TNFRSF10B: variants seen among roughly 807,000 people sequenced by gnomAD.
TNFRSF10B encodes tumor necrosis factor receptor superfamily member 10B.
In TNFRSF10B, 35 loss-of-function variants were observed where a neutral mutation model predicts 41.4. The ratio of observed to expected loss-of-function variants is 0.85; its 90% CI spans 0.65 to 1.12. TNFRSF10B has a LOEUF of 1.12. Among genes scored for constraint, TNFRSF10B ranks in the 50% most tolerant of loss-of-function variants. The probability of loss-of-function intolerance (pLI) is 0.00; values close to 1 mark genes in which losing one functional copy is unlikely to be tolerated. For missense variants in TNFRSF10B, 584 were observed against 552.7 expected, an observed-to-expected ratio of 1.06 and a Z score of -0.57; for synonymous variants, 230 against 215.5, an observed-to-expected ratio of 1.07 and a Z score of -0.59.
chr8:23,031,747 T>C (rs1174148236), intron 2 of TNFRSF10B, among the ~76,000 whole-genome samples: 1 of 151,856 alleles, frequency 6.6e-6, no homozygotes, highest in Non-Finnish European at 1.5e-5. Context: ...TGAGAAGGGG[T>C]GAAATTAATG....
At chr8:23,028,191 G>A in intron 5 of TNFRSF10B, 140 bp downstream of exon 5, 1 of 1,160,284 alleles carries the variant, frequency 8.6e-7, no homozygotes, top group Admixed American at 1.9e-5. Flanking sequence ...TGGGGATGGG[G>A]GTGACCACGA....
rs1811537969 is a variant in TNFRSF10B at position 23,021,944 on chromosome 8, A to G, written c.*727T>C. 6.6e-6 allele frequency: 3 copies of G among 452,880 alleles called. No homozygotes were observed. The highest frequency in any genetic ancestry group is 2.0e-5 in the African/African-American group (1 of 49,882). The allele number at this position is 452,880 out of a possible 1,614,324, so 28.1% of individuals were successfully genotyped here. ...AAAGTTTCTTCATGTTCATAAAATA[A>G]TAACATACAGAATTATAAAAGTAGA... On this transcript the variant is annotated 3_prime_UTR_variant, in exon 9 of 9. Transcript: ENST00000276431.
intron 1 of TNFRSF10B, among the ~76,000 whole-genome samples, chr8:23,056,017 C>CT (rs1812654840): frequency 6.6e-6 from 1 of 152,154 alleles, no homozygotes; most frequent in African/African-American, 2.4e-5. Flanking sequence ...AATAAAAACT[C>CT]TTTCTTCCCA....
chr8:23,068,506 C>T, intron 1 of TNFRSF10B: 1 of 586,486 alleles, frequency 1.7e-6, no homozygotes, highest in Non-Finnish European at 3.0e-6. Flanking sequence ...TGTCGCCCTC[C>T]CCCACTGGAT....
At chr8:23,031,286 C>T (rs1267058402) in intron 2 of TNFRSF10B, among the ~76,000 whole-genome samples, 1 of 152,122 alleles carries the variant, frequency 6.6e-6, no homozygotes, top group African/African-American at 2.4e-5. Context: ...CCGTATTGGC[C>T]AGGCTAGTCT....
chr8:23,028,457 G>GA lies in TNFRSF10B; in HGVS notation c.621dup (p.Pro208SerfsTer49). ...ATGATGATGCCTGAGAGAGAACAGG[G>GA]AGAGGCAGGAGTCCCTGGGCTGGAG... On this transcript the variant is annotated frameshift_variant, in exon 5 of 9. Coordinates refer to ENST00000276431, the MANE Select transcript of TNFRSF10B (RefSeq NM_003842.5). LOFTEE classifies it high-confidence loss of function. 1 of 1,614,184 alleles carries GA rather than the reference G, an allele frequency of 6.2e-7. No individual in the cohort carries two copies.
chr8:23,054,977 AAG>A (rs1270627871), intron 1 of TNFRSF10B, among the ~76,000 whole-genome samples: 1 of 151,996 alleles, frequency 6.6e-6, no homozygotes, highest in Non-Finnish European at 1.5e-5. Context: ...AATGGGAAAC[AAG>A]AGAGAAAAAT....
intron 1 of TNFRSF10B, among the ~76,000 whole-genome samples, chr8:23,056,872 C>A (rs981167382): frequency 6.6e-6 from 1 of 151,834 alleles, no homozygotes; most frequent in African/African-American, 2.4e-5. Context: ...TATATGAGTT[C>A]TCTTTTTTAA....
intron 1 of TNFRSF10B, among the ~76,000 whole-genome samples, chr8:23,063,668 C>A (rs761581796): frequency 1.3e-5 from 2 of 152,154 alleles, no homozygotes; most frequent in Admixed American, 6.5e-5. Context: ...GCCTCCTTCA[C>A]GATAATGCAA....
Position 23,021,203 on chromosome 8 carries a change from A to G in TNFRSF10B, c.*1468T>C. 1 of 454,110 alleles carries G rather than the reference A, an allele frequency of 2.2e-6. No individual in the cohort carries two copies. Among genetic ancestry groups the G allele is most frequent in the Non-Finnish European group, 4.4e-6 (1 of 226,796 alleles). The allele number at this position is 454,110 out of a possible 1,614,324, so 28.1% of individuals were successfully genotyped here. On this transcript the variant is annotated 3_prime_UTR_variant, in exon 9 of 9. Coordinates refer to ENST00000276431, the MANE Select transcript of TNFRSF10B (RefSeq NM_003842.5). Reference sequence around the variant, plus strand: ...TACTGAGGTCTTAAAACAATAATAGAACAGGACACAAGAAGAAAACCTTAA... The same window carrying G: ...TACTGAGGTCTTAAAACAATAATAGGACAGGACACAAGAAGAAAACCTTAA...
chr8:23,056,293 C>T (rs1332010035), intron 1 of TNFRSF10B, among the ~76,000 whole-genome samples: 2 of 152,172 alleles, frequency 1.3e-5, no homozygotes, highest in Non-Finnish European at 2.9e-5. Context: ...GTATTATCTG[C>T]CCTACTATAA....
In TNFRSF10B at chr8:23,068,853, G is replaced by T. The variant is rs777235097; in HGVS notation, c.42C>A (p.Ala14=). The change falls in exon 1 of 9, where the codon GCC becomes GCA. Residue 14 remains alanine (A), a synonymous_variant. Coordinates refer to ENST00000276431, the MANE Select transcript of TNFRSF10B (RefSeq NM_003842.5). ...TGGGTCCTGGGCCGTGCCTTTTCCG[G>T]GCCCCCGAAGCGGCCGGGGCGTTCT... ...RGQNAPAASG[A]RKRHGPGPRE... The T allele has an allele frequency of 1.9e-6, 3 of 1,613,426 alleles. No homozygotes were observed. Among genetic ancestry groups the T allele is most frequent in the Non-Finnish European group, 2.5e-6 (3 of 1,179,944 alleles).
chr8:23,068,390 G>T (rs746514907), intron 1 of TNFRSF10B: 6 of 339,434 alleles, frequency 1.8e-5, no homozygotes, highest in African/African-American at 2.2e-5. Flanking sequence ...GGAAAGAAAG[G>T]AAGAAAGAGA....
intron 2 of TNFRSF10B, among the ~76,000 whole-genome samples, chr8:23,037,100 AC>A (rs1477877714): frequency 6.6e-6 from 1 of 152,220 alleles, no homozygotes; most frequent in African/African-American, 2.4e-5. Flanking sequence ...AAATATCTTC[AC>A]AAAAAGTGAT....
At chr8:23,055,521 T>TAAAAAAAAAAAAAAAAAAAAAA (rs34761330) in intron 1 of TNFRSF10B, among the ~76,000 whole-genome samples, 3 of 120,538 alleles carry the variant, frequency 2.5e-5, no homozygotes, top group African/African-American at 6.1e-5. Flanking sequence ...ATTAAATGCT[T>TAAAAAAAAAAAAAAAAAAAAAA]AAAAAAAAAA....
intron 1 of TNFRSF10B, among the ~76,000 whole-genome samples, chr8:23,045,894 A>C (rs1310156571): frequency 6.6e-6 from 1 of 152,204 alleles, no homozygotes; most frequent in South Asian, 2.1e-4. Context: ...ACATTCTTTC[A>C]TGATAAAAAC....
rs138211776 is a variant in TNFRSF10B, at chr8:23,020,683, T to A, written c.*1988A>T. 2.2e-5 allele frequency: 10 copies of A among 453,614 alleles called. No individual in the cohort carries two copies. The highest frequency in any genetic ancestry group is 4.0e-5 in the Non-Finnish European group (9 of 226,748). The allele number at this position is 453,614 out of a possible 1,614,324, so 28.1% of individuals were successfully genotyped here. ...CTCCAGCCTGGGCGAGAGAGTGAGATTCTGTCTCAAAAAAATTAAAAATAA... is the reference window on the plus strand; with the variant it reads ...CTCCAGCCTGGGCGAGAGAGTGAGAATCTGTCTCAAAAAAATTAAAAATAA... On this transcript the variant is annotated 3_prime_UTR_variant, in exon 9 of 9. Coordinates refer to ENST00000276431, the MANE Select transcript of TNFRSF10B (RefSeq NM_003842.5).
At chr8:23,027,957 T>C (rs1232379869) in intron 5 of TNFRSF10B, 3 of 640,672 alleles carry the variant, frequency 4.7e-6, no homozygotes, top group South Asian at 1.9e-5. Context: ...AACAAACACT[T>C]GGAAAATCTC....
At position 23,029,592 on chromosome 8, in the gene TNFRSF10B, C is replaced by A. The variant is rs748274331; in HGVS notation, c.476+18G>T. 6.3e-7 allele frequency: 1 copy of A among 1,599,258 alleles called. No individual in the cohort carries two copies. ...GGGGTTCCATGGAGCTACTGGGAGC[C>A]CCCGGCTCCTGTCTCACCCTGTGCG... On this transcript the variant is annotated intron_variant, in intron 4 of 8. Coordinates refer to ENST00000276431, the MANE Select transcript of TNFRSF10B (RefSeq NM_003842.5).
Sources: allele counts gnomAD v4.1 joint callset (sites outside exome capture counted in the v4.1 genomes callset), GRCh38; gene constraint gnomAD v4.1.1; transcripts MANE v1.5; gene names NCBI Gene and HGNC (gene_info 2026-07-23, HGNC 2026-07-21).